The following MAVS variants were observed in gnomAD, a reference collection of about 807,000 sequenced individuals.
The protein encoded by MAVS is mitochondrial antiviral signaling protein, also known as mitochondrial antiviral-signaling protein.
In MAVS, 20 loss-of-function variants were observed where a neutral mutation model predicts 30.2. The observed-to-expected ratio is 0.66, with a 90% CI of 0.47 to 0.96. MAVS has a LOEUF of 0.96. Ranked by LOEUF, MAVS falls within the 40% of genes least tolerant of loss-of-function variation. MAVS has a pLI of 0.00. For synonymous variants in MAVS, 278 were observed against 293.9 expected, an observed-to-expected ratio of 0.95 and a Z score of 0.55; for missense variants, 624 against 701.1, an observed-to-expected ratio of 0.89 and a Z score of 1.24.
In MAVS at chr20:3,865,874, G is replaced by T; in HGVS notation, c.1350G>T (p.Gly450=). 12 of 1,614,062 alleles carry T rather than the reference G, an allele frequency of 7.4e-6. No homozygotes were observed. The highest frequency in any genetic ancestry group is 9.3e-6 in the Non-Finnish European group (11 of 1,180,024). Reference sequence around the variant, plus strand: ...GTGCCAGCACCTCCTTGGGCATGGGGCCCTGCCATGGCCCAGAGGAGAATG... The same window carrying T: ...GTGCCAGCACCTCCTTGGGCATGGGTCCCTGCCATGGCCCAGAGGAGAATG... ...AISASTSLGM[G]PCHGPEENEY... Residue 450 remains glycine, a synonymous_variant, in exon 7 of 7, where the codon GGG becomes GGT. Transcript: ENST00000428216. This position sits in a 1 kb window ranked among gnomAD's most constrained non-coding sequence, Gnocchi z 4.7.
chr20:3,848,921 C>T (rs1201915483), intron 1 of MAVS, among the ~76,000 whole-genome samples: 1 of 152,196 alleles, frequency 6.6e-6, no homozygotes. Context: ...CTGGCTGCCT[C>T]CTGCCATCTC....
chr20:3,852,219 C>A (rs1275771944), intron 1 of MAVS, among the ~76,000 whole-genome samples: 1 of 151,998 alleles, frequency 6.6e-6, no homozygotes, highest in Non-Finnish European at 1.5e-5. Context: ...TGGTCTTGAT[C>A]TCCTGACCTC....
At chr20:3,862,694 C>T (rs1377721829) in intron 5 of MAVS, among the ~76,000 whole-genome samples, 1 of 152,118 alleles carries the variant, frequency 6.6e-6, no homozygotes, top group Non-Finnish European at 1.5e-5. Context: ...CCTACATGGG[C>T]ATTTCTTCTG....
Position 3,865,861 on chromosome 20 carries a change from C to G in MAVS, c.1337C>G (p.Ser446Cys). 6.2e-7 allele frequency: 1 copy of G among 1,614,070 alleles called. No homozygotes were observed. Among genetic ancestry groups the G allele is most frequent in the Non-Finnish European group, 8.5e-7 (1 of 1,180,038 alleles). ...GATCTTGCCATCAGTGCCAGCACCT[C>G]CTTGGGCATGGGGCCCTGCCATGGC... ...FEDLAISAST[S>C]LGMGPCHGPE... is the part of the protein sequence containing the mutation. Residue 446 changes from serine to cysteine, a missense_variant, in exon 7 of 7, where the codon TCC (serine) becomes TGC (cysteine). Physicochemically the swap from Ser to Cys is moderately radical, Grantham distance 112. Coordinates refer to ENST00000428216, the MANE Select transcript of MAVS (RefSeq NM_020746.5). The surrounding 1 kb of genome is among the most constrained non-coding windows in gnomAD (Gnocchi z 4.7).
chr20:3,857,607 AGCAGGACAGTG>A lies in MAVS; in HGVS notation c.118-24_118-14del. The A allele has an allele frequency of 6.3e-7, 1 of 1,588,142 alleles. No individual in the cohort carries two copies. Among genetic ancestry groups the A allele is most frequent in the South Asian group, 1.1e-5 (1 of 87,050 alleles). ...GAAGTGGCAGGGGCCACCTGGCTTGAGCAGGACAGTGGCATTGTGTCTTCCAGGATCGACTG... is the reference window on the plus strand; with the variant it reads ...GAAGTGGCAGGGGCCACCTGGCTTGAGCATTGTGTCTTCCAGGATCGACTG... On this transcript the variant is annotated splice_polypyrimidine_tract_variant and intron_variant, in intron 2 of 6. Coordinates refer to ENST00000428216, the MANE Select transcript of MAVS (RefSeq NM_020746.5).
chr20:3,871,498 A>G lies in MAVS; in HGVS notation c.*5351A>G, dbSNP rs1318082196. 6.6e-6 allele frequency: 1 copy of G among 152,648 alleles called. No individual in the cohort carries two copies. The highest frequency in any genetic ancestry group is 1.5e-5 in the Non-Finnish European group (1 of 68,058). 9.5% of individuals were successfully genotyped at this position (152,648 alleles called of 1,614,324 possible). ...GTGATGATGAATGATGGGTGTGTCC[A>G]GTGGCAGTTTGCCCCACTGAGGCAG... is the stretch of plus-strand genomic sequence containing the variant. On this transcript the variant is annotated 3_prime_UTR_variant, in exon 7 of 7. Transcript: ENST00000428216.
chr20:3,862,796 A>G (rs908327667), intron 5 of MAVS, among the ~76,000 whole-genome samples: 2 of 152,082 alleles, frequency 1.3e-5, no homozygotes, highest in African/African-American at 4.8e-5. Context: ...TCTTCTATGT[A>G]GTCTCTCATC....
intron 3 of MAVS, among the ~76,000 whole-genome samples, chr20:3,859,093 A>G (rs969712063): frequency 1.3e-5 from 2 of 151,802 alleles, no homozygotes; most frequent in African/African-American, 4.8e-5. Flanking sequence ...TCTGGCTCTC[A>G]TGCTTGCTTT....
At chr20:3,863,425 C>T (rs559404090) in intron 5 of MAVS, among the ~76,000 whole-genome samples, 13 of 152,278 alleles carry the variant, frequency 8.5e-5, no homozygotes, top group Admixed American at 7.2e-4. Context: ...TTGTCATCCC[C>T]AAACTGCTCC....
chr20:3,853,204 C>G (rs991020743), intron 1 of MAVS, among the ~76,000 whole-genome samples: 2 of 142,372 alleles, frequency 1.4e-5, no homozygotes, highest in Non-Finnish European at 3.1e-5. Context: ...TTAAAGATGG[C>G]GGCCGGGCGC....
In MAVS at chr20:3,854,687, T is replaced by C. The variant is rs1331821861; in HGVS notation, c.63T>C (p.Asn21=). 2.5e-6 allele frequency: 4 copies of C among 1,613,930 alleles called. No homozygotes were observed. Among genetic ancestry groups the C allele is most frequent in the South Asian group, 2.2e-5 (2 of 91,078 alleles). Residue 21 remains asparagine (N), a synonymous_variant, in exon 2 of 7, where the codon AAT becomes AAC. Coordinates refer to ENST00000428216, the MANE Select transcript of MAVS (RefSeq NM_020746.5). ...GCCGCAATTTCAGCAATTTTTGCAA[T>C]GTGGATGTTGTAGAGATTCTGCCTT... is the stretch of plus-strand genomic sequence containing the variant. ...YICRNFSNFC[N]VDVVEILPYL...
chr20:3,858,704 C>G (rs925779988), intron 3 of MAVS, among the ~76,000 whole-genome samples: 1 of 150,442 alleles, frequency 6.6e-6, no homozygotes, highest in African/African-American at 2.4e-5. Flanking sequence ...AAAATCAAGC[C>G]AGCCCTATTT....
chr20:3,864,567 C>A lies in MAVS; in HGVS notation c.937C>A (p.Pro313Thr). 2 of 1,614,164 alleles carry A rather than the reference C, an allele frequency of 1.2e-6. No individual in the cohort carries two copies. Among genetic ancestry groups the A allele is most frequent in the Non-Finnish European group, 1.7e-6 (2 of 1,180,026 alleles). Residue 313 changes from proline to threonine, a missense_variant, in exon 6 of 7, where the codon CCT becomes ACT. By Grantham distance (38) the Pro-to-Thr change is conservative (BLOSUM62 -1). Coordinates refer to ENST00000428216, the MANE Select transcript of MAVS (RefSeq NM_020746.5). ...MPVNTVALKV[P>T]ANPASVSTVP... ...TGTGAACACAGTGGCCCTGAAAGTG[C>A]CTGCCAACCCAGCATCTGTCAGCAC... is the stretch of plus-strand genomic sequence containing the variant.
intron 1 of MAVS, among the ~76,000 whole-genome samples, chr20:3,847,576 G>T (rs541219961): frequency 6.6e-6 from 1 of 152,334 alleles, no homozygotes; most frequent in Admixed American, 6.5e-5. Context: ...GGGATTCTCT[G>T]TATGGAAGCC....
chr20:3,849,901 C>T (rs111263729), intron 1 of MAVS, among the ~76,000 whole-genome samples: 12 of 152,292 alleles, frequency 7.9e-5, no homozygotes, highest in Admixed American at 3.3e-4. Context: ...AGAAAAGTAA[C>T]GAGCAAATAC....
chr20:3,856,804 C>T (rs543379622), intron 2 of MAVS, among the ~76,000 whole-genome samples: 4 of 151,592 alleles, frequency 2.6e-5, no homozygotes, highest in African/African-American at 4.8e-5. Context: ...GAGGCCAAGG[C>T]GGGTGGATCA....
At position 3,873,905 on chromosome 20, in the gene MAVS, C is replaced by T; in HGVS notation, c.*7758C>T. 1 of 393,292 alleles carries T rather than the reference C, an allele frequency of 2.5e-6. No individual in the cohort carries two copies. Among genetic ancestry groups the T allele is most frequent in the East Asian group, 3.6e-5 (1 of 27,764 alleles). The allele number at this position is 393,292 out of a possible 1,614,324, so 24.4% of individuals were successfully genotyped here. A position where few individuals can be genotyped will look rare whatever the true frequency, so the allele number is the denominator to read the frequency against. ...CGTATAAACTGATCCAGCAGTTCCA[C>T]TCCTGGGTATGTACACCACAGAAAG... On this transcript the variant is annotated 3_prime_UTR_variant, in exon 7 of 7. Transcript: ENST00000428216.
At chr20:3,852,575 T>A (rs1263494222) in intron 1 of MAVS, among the ~76,000 whole-genome samples, 2 of 152,106 alleles carry the variant, frequency 1.3e-5, no homozygotes, top group Admixed American at 1.3e-4. Context: ...TAGGGTCACA[T>A]ACAGATCCCC....
In MAVS at chr20:3,865,807, T is replaced by C; in HGVS notation, c.1283T>C (p.Val428Ala). 1 of 1,613,892 alleles carries C rather than the reference T, an allele frequency of 6.2e-7. No homozygotes were observed. The highest frequency in any genetic ancestry group is 1.1e-5 in the South Asian group (1 of 91,086). Residue 428 changes from valine to alanine, a missense_variant, in exon 7 of 7, where the codon GTA becomes GCA. Physicochemically the swap from Val to Ala is moderately conservative, Grantham distance 64. Coordinates refer to ENST00000428216, the MANE Select transcript of MAVS (RefSeq NM_020746.5). The surrounding 1 kb of genome is among the most constrained non-coding windows in gnomAD (Gnocchi z 4.7). ...LSKPGVLASQ[V>A]DSPFSGCFED... Reference sequence around the variant, plus strand: ...AAGCCTGGCGTGCTGGCATCCCAGGTAGACAGCCCGTTCTCGGGCTGCTTC... The same window carrying C: ...AAGCCTGGCGTGCTGGCATCCCAGGCAGACAGCCCGTTCTCGGGCTGCTTC...
Sources: gnomAD v4.1 joint callset for allele counts (sites outside exome capture counted in the v4.1 genomes callset) on GRCh38, gnomAD v4.1.1 for gene constraint, Gnocchi (gnomAD v3.1) non-coding constraint, MANE v1.5 for transcripts, NCBI Gene and HGNC (gene_info 2026-07-23, HGNC 2026-07-21) for gene names.